The following BAIAP2L2 variants were observed in gnomAD, a reference collection of about 807,000 sequenced individuals.
The protein encoded by BAIAP2L2 is BAR/IMD domain-containing adapter protein 2-like 2.
In BAIAP2L2, 65 loss-of-function variants were observed where a neutral mutation model predicts 60.4. The ratio of observed to expected loss-of-function variants is 1.08; its 90% CI spans 0.88 to 1.32. The LOEUF is 1.32. Ranked by LOEUF, BAIAP2L2 falls within the 40% of genes most tolerant of loss-of-function variation. The pLI is 0.00. For missense variants in BAIAP2L2, 836 were observed against 741.2 expected (o/e 1.13, Z -1.48); for synonymous variants, 344 against 301.7 (o/e 1.14, Z -1.45).
rs2086170878 is a variant in BAIAP2L2, at chr22:38,088,596, CTG to C, written c.1118+150_1118+151del. The C allele has an allele frequency of 5.4e-6, 4 of 741,666 alleles. No individual in the cohort carries two copies. In the South Asian group the frequency reaches 8.1e-5, roughly 15 times the overall value. The allele number at this position is 741,666 out of a possible 1,614,324, so 45.9% of individuals were successfully genotyped here. ...TACTCCCACTGAATGAATGAGGAAA[CTG>C]AGGCAGGGTGCGGGGGTCGGGAGGA... On this transcript the variant is annotated intron_variant, in intron 10 of 13. Coordinates refer to ENST00000381669, the MANE Select transcript of BAIAP2L2 (RefSeq NM_025045.6).
At chr22:38,090,380 G>A (rs1367983872) in intron 7 of BAIAP2L2, 1 of 151,910 alleles carries the variant, frequency 6.6e-6, no homozygotes, top group Non-Finnish European at 1.5e-5. Context: ...CCAAAGTGCT[G>A]GGATTACAGG....
chr22:38,102,467 C>T (rs1489266191), intron 4 of BAIAP2L2, among the ~76,000 whole-genome samples: 1 of 152,112 alleles, frequency 6.6e-6, no homozygotes, highest in Non-Finnish European at 1.5e-5. Flanking sequence ...GCTCCTTTTA[C>T]AATTTCAGGA....
intron 7 of BAIAP2L2, chr22:38,093,803 T>C (rs2086363489): frequency 4.7e-6 from 2 of 424,126 alleles, no homozygotes; most frequent in Admixed American, 2.5e-5. Flanking sequence ...CCACAAACAG[T>C]TAAACATAGA....
At chr22:38,094,626 A>G (rs753145840) in intron 7 of BAIAP2L2, among the ~76,000 whole-genome samples, 4 of 152,196 alleles carry the variant, frequency 2.6e-5, no homozygotes, top group Non-Finnish European at 4.4e-5. Flanking sequence ...TTATATCTCA[A>G]TAAAACTGTT....
intron 7 of BAIAP2L2, among the ~76,000 whole-genome samples, chr22:38,096,420 C>T (rs777167185): frequency 6.6e-6 from 1 of 152,038 alleles, no homozygotes; most frequent in African/African-American, 2.4e-5. Context: ...TTTGGGAGGC[C>T]GAAGCAGGCA....
intron 12 of BAIAP2L2, among the ~76,000 whole-genome samples, 192 bp from the exon 13 acceptor site, chr22:38,085,924 C>G (rs1043828835): frequency 2.0e-5 from 3 of 152,190 alleles, no homozygotes; most frequent in Non-Finnish European, 4.4e-5. Flanking sequence ...TGAGAAACCC[C>G]TAGGCCAGAG....
At chr22:38,105,229 C>G (rs751685767) in intron 4 of BAIAP2L2, among the ~76,000 whole-genome samples, 4 of 152,096 alleles carry the variant, frequency 2.6e-5, no homozygotes, top group Non-Finnish European at 5.9e-5. Context: ...GAGACTTGCC[C>G]TCTACTGCAG....
chr22:38,110,157 C>CAG (rs1266096999), intron 1 of BAIAP2L2, among the ~76,000 whole-genome samples: 9 of 33,602 alleles, frequency 2.7e-4, no homozygotes, highest in Admixed American at 5.7e-4. Context: ...GAGGGAGAGA[C>CAG]AGAGAGAGAG....
Position 38,109,094 on chromosome 22 carries a change from G to T in BAIAP2L2, c.127+39C>A, listed in dbSNP as rs983256238. On this transcript the variant is annotated intron_variant, in intron 2 of 13. Coordinates refer to ENST00000381669, the MANE Select transcript of BAIAP2L2 (RefSeq NM_025045.6). ...GCCTGGGTGGGTGGGAACAGCAGAG[G>T]CCCAGGGCTGGGGCTCGGTGGCCCG... 3.2e-6 allele frequency: 5 copies of T among 1,548,776 alleles called. No homozygotes were observed. The African/African-American group carries it at 6.8e-5, about 21-fold the overall frequency.
At chr22:38,094,091 T>C (rs146717241) in intron 7 of BAIAP2L2, 3 of 437,966 alleles carry the variant, frequency 6.8e-6, no homozygotes, top group African/African-American at 4.0e-5. Context: ...TTATATGAAA[T>C]GTCCAGAATG....
chr22:38,095,245 C>T (rs1342234546), intron 7 of BAIAP2L2, among the ~76,000 whole-genome samples: 1 of 152,122 alleles, frequency 6.6e-6, no homozygotes. Flanking sequence ...GAAACTAAGT[C>T]CTAAACTATC....
rs767023310 is a variant in BAIAP2L2 at position 38,109,117 on chromosome 22, C to G, written c.127+16G>C. The G allele has an allele frequency of 6.2e-6, 10 of 1,605,804 alleles. No individual in the cohort carries two copies. The East Asian group carries it at 2.0e-4, about 32-fold the overall frequency. ...AGGCCCAGGGCTGGGGCTCGGTGGC[C>G]CGGGCAGGCACTCACCGTGGAAGGC... On this transcript the variant is annotated intron_variant, in intron 2 of 13. Coordinates refer to ENST00000381669, the MANE Select transcript of BAIAP2L2 (RefSeq NM_025045.6).
rs1310219091 is a variant in BAIAP2L2 at position 38,096,973 on chromosome 22, C to T, written c.612+59G>A. On this transcript the variant is annotated intron_variant, in intron 7 of 13. Transcript: ENST00000381669. ...AGGGAGGGAAACCTCTATGTACGGC[C>T]ACTCAGGAGGGGGCAGCTCCTAGAA... 14 of 1,554,372 alleles carry T rather than the reference C, an allele frequency of 9.0e-6. No homozygotes were observed. In the South Asian group the frequency reaches 1.3e-4, roughly 14 times the overall value.
chr22:38,097,436 T>C (rs1191361627), intron 6 of BAIAP2L2, among the ~76,000 whole-genome samples: 1 of 152,212 alleles, frequency 6.6e-6, no homozygotes, highest in Non-Finnish European at 1.5e-5. Context: ...GCTCTGTCCC[T>C]GGCACCCAGC....
chr22:38,098,020 CACCCG>C, intron 6 of BAIAP2L2, 38 bp downstream of exon 6: 21 of 817,824 alleles, frequency 2.6e-5, no homozygotes, highest in Non-Finnish European at 4.2e-5. Context: ...GAGGTCTGCC[CACCCG>C]CCCTTCCTGG....
At position 38,087,138 on chromosome 22, in the gene BAIAP2L2, G is replaced by A. The variant is rs780728622; in HGVS notation, c.1245C>T (p.Asn415=). The change falls in exon 11 of 14, where the codon AAC becomes AAT. Residue 415 remains asparagine (N), a synonymous_variant. Transcript: ENST00000381669. ...MSPMTPMNPG[N]ELPSRSYPLR... ...GACTCAGGTACCTGGAAGGCAGCTC[G>A]TTCCCGGGGTTCATGGGTGTCATGG... 167 of 1,590,948 alleles carry A rather than the reference G, an allele frequency of 1.0e-4. No individual in the cohort carries two copies. The East Asian group carries it at 1.6e-3, about 15-fold the overall frequency.
At chr22:38,089,382 G>T in intron 8 of BAIAP2L2, 140 bp downstream of exon 8, 2 of 587,184 alleles carry the variant, frequency 3.4e-6, no homozygotes, top group Non-Finnish European at 5.0e-6. Flanking sequence ...GAACGCGCCG[G>T]GGCGGAAGGG....
In BAIAP2L2 at chr22:38,097,159, T is replaced by G; in HGVS notation, c.485A>C (p.His162Pro). The G allele has an allele frequency of 5.0e-6, 8 of 1,613,710 alleles. No homozygotes were observed. Among genetic ancestry groups the G allele is most frequent in the Non-Finnish European group, 6.8e-6 (8 of 1,179,978 alleles). Residue 162 changes from histidine to proline, a missense_variant, in exon 7 of 14, where the codon CAC becomes CCC. Physicochemically the swap from His to Pro is moderately conservative, Grantham distance 77. Coordinates refer to ENST00000381669, the MANE Select transcript of BAIAP2L2 (RefSeq NM_025045.6). ...REMKESVNRL[H>P]AQMQAFVSES... ...AGACACGAAGGCCTGCATCTGTGCGTGCAGCCGGTTCACACTCTCCTGGGG... is the reference window on the plus strand; with the variant it reads ...AGACACGAAGGCCTGCATCTGTGCGGGCAGCCGGTTCACACTCTCCTGGGG...
chr22:38,087,175 G>T lies in BAIAP2L2; in HGVS notation c.1208C>A (p.Thr403Asn), dbSNP rs1039893973. The change falls in exon 11 of 14, where the codon ACC becomes AAC. Residue 403 changes from threonine to asparagine, a missense_variant. Physicochemically the swap from Thr to Asn is moderately conservative, Grantham distance 65 (BLOSUM62 0). Coordinates refer to ENST00000381669, the MANE Select transcript of BAIAP2L2 (RefSeq NM_025045.6). ...MTPVTPMTSM[T>N]SMSPMTPMNP... ...CATGGGTGTCATGGGGGACATGGAG[G>T]TCATGGAGGTCATGGGGGTCACGGG... 6.3e-7 allele frequency: 1 copy of T among 1,599,192 alleles called. No homozygotes were observed. Among genetic ancestry groups the T allele is most frequent in the Admixed American group, 1.8e-5 (1 of 56,158 alleles).
Sources: allele counts gnomAD v4.1 joint callset (sites outside exome capture counted in the v4.1 genomes callset), GRCh38; gene constraint gnomAD v4.1.1; transcripts MANE v1.5; gene names NCBI Gene and HGNC (gene_info 2026-07-23, HGNC 2026-07-21).